Variants in KDM4C observed in about 807,000 individuals in gnomAD.
KDM4C encodes the protein lysine-specific demethylase 4C.
Under a neutral mutation model 129.3 loss-of-function variants are expected in KDM4C, and 81 were observed. The ratio of observed to expected loss-of-function variants is 0.63; its 90% CI spans 0.52 to 0.75. KDM4C has a LOEUF of 0.75. Among genes scored for constraint, KDM4C ranks in the 30% least tolerant of loss-of-function variants. The pLI is 0.00. For missense variants in KDM4C, 1,457 were observed against 1,304.0 expected, an observed-to-expected ratio of 1.12 and a Z score of -1.81; for synonymous variants, 573 against 456.1, an observed-to-expected ratio of 1.26 and a Z score of -3.26.
chr9:7,063,861 G>A (rs185813336), intron 17 of KDM4C, among the ~76,000 whole-genome samples: 2 of 152,262 alleles, frequency 1.3e-5, no homozygotes, highest in Admixed American at 1.3e-4. Context: ...AGAACTGTAA[G>A]GTCTAGGAAC....
chr9:7,098,199 T>C (rs1245858243), intron 17 of KDM4C, among the ~76,000 whole-genome samples: 1 of 152,252 alleles, frequency 6.6e-6, no homozygotes, highest in Non-Finnish European at 1.5e-5. Flanking sequence ...ATTAGCCTTA[T>C]TTTGAATACA....
At chr9:7,059,835 G>T (rs1564060967) in intron 17 of KDM4C, among the ~76,000 whole-genome samples, 1 of 152,170 alleles carries the variant, frequency 6.6e-6, no homozygotes, top group South Asian at 2.1e-4. Flanking sequence ...ATTTTACTAT[G>T]TAATGGGTTT....
chr9:7,023,664 C>T (rs1356508279), intron 15 of KDM4C, among the ~76,000 whole-genome samples: 4 of 151,878 alleles, frequency 2.6e-5, no homozygotes, highest in Admixed American at 6.6e-5. Flanking sequence ...TATTGTTTTT[C>T]GTCTAATTTT....
chr9:6,996,125 A>G (rs976441856), intron 12 of KDM4C, among the ~76,000 whole-genome samples: 3 of 152,154 alleles, frequency 2.0e-5, no homozygotes, highest in African/African-American at 2.4e-5. Flanking sequence ...TCCCTCACCC[A>G]CTTTGGTATC....
chr9:7,024,552 C>T (rs1283034949), intron 15 of KDM4C, among the ~76,000 whole-genome samples: 6 of 147,950 alleles, frequency 4.1e-5, no homozygotes, highest in Admixed American at 1.4e-4. Flanking sequence ...TCTCATTGTT[C>T]AATTCCCACC....
At position 6,984,227 on chromosome 9, in the gene KDM4C, G is replaced by T. The variant is rs111275433; in HGVS notation, c.1177G>T (p.Asp393Tyr). Residue 393 changes from aspartate to tyrosine, a missense_variant, in exon 10 of 22, where the codon GAT becomes TAT. By Grantham distance (160) the Asp-to-Tyr change is radical. Transcript: ENST00000381309. Reference protein sequence around the residue: ...PKADEEEEVSDEVDGAEVPNP... With the variant: ...PKADEEEEVSYEVDGAEVPNP... ...GGCTGATGAGGAAGAGGAAGTGTCA[G>T]ATGAAGTCGATGGGGCAGAGGTCCC... 910 of 1,613,932 alleles carry T rather than the reference G, an allele frequency of 5.6e-4. No individual in the cohort carries two copies. The highest frequency in any genetic ancestry group is 1.1e-3 in the Admixed American group (64 of 60,010).
In KDM4C at chr9:7,011,760, C is replaced by G. The variant is rs10975973; in HGVS notation, c.1849C>G (p.Leu617Val). ...AGAAACAGAGTCTTGGGCGAAACCT[C>G]TCATCCACCTTTGGCAGACGAAGTC... Reference protein sequence around the residue: ...VEETESWAKPLIHLWQTKSPN... With the variant: ...VEETESWAKPVIHLWQTKSPN... Residue 617 changes from leucine (L) to valine (V), a missense_variant, in exon 13 of 22, where the codon CTC becomes GTC. Transcript: ENST00000381309. 3.1e-6 allele frequency: 5 copies of G among 1,614,054 alleles called. No homozygotes were observed. Among genetic ancestry groups the G allele is most frequent in the African/African-American group, 2.7e-5 (2 of 74,924 alleles).
intron 1 of KDM4C, among the ~76,000 whole-genome samples, chr9:6,766,573 A>G (rs553440895): frequency 6.6e-6 from 1 of 152,210 alleles, no homozygotes; most frequent in African/African-American, 2.4e-5. Flanking sequence ...AGTGTCAGGC[A>G]TTGGAAGACT....
At chr9:6,806,609 A>G (rs1830022142) in intron 3 of KDM4C, among the ~76,000 whole-genome samples, 2 of 152,042 alleles carry the variant, frequency 1.3e-5, no homozygotes, top group South Asian at 4.1e-4. Context: ...ATTCTGCCTC[A>G]GGGTCTCATG....
chr9:7,007,103 G>A (rs1821813792), intron 12 of KDM4C, among the ~76,000 whole-genome samples: 2 of 152,180 alleles, frequency 1.3e-5, no homozygotes, highest in East Asian at 1.9e-4. Context: ...TTGTTTAGGC[G>A]CTAGCCCTCT....
chr9:7,002,985 C>T (rs573559502), intron 12 of KDM4C, among the ~76,000 whole-genome samples: 39 of 152,318 alleles, frequency 2.6e-4, no homozygotes, highest in African/African-American at 7.9e-4. Flanking sequence ...CTCAGCCTCC[C>T]GAGTAACTGG....
At chr9:6,850,560 C>T (rs2130140085) in intron 5 of KDM4C, among the ~76,000 whole-genome samples, 1 of 151,830 alleles carries the variant, frequency 6.6e-6, no homozygotes, top group East Asian at 1.9e-4. Context: ...ATTCTGCTGC[C>T]TTAGCCACCC....
intron 4 of KDM4C, among the ~76,000 whole-genome samples, chr9:6,824,638 C>CAA (rs144032826): frequency 0.022 from 2,845 of 127,038 alleles, 108 homozygotes; most frequent in African/African-American, 0.072. Context: ...GACTCCGTCT[C>CAA]AAAAAAAAAA....
At chr9:6,790,654 C>CAAAAAAAA (rs1186296239) in intron 1 of KDM4C, among the ~76,000 whole-genome samples, 2 of 65,216 alleles carry the variant, frequency 3.1e-5, no homozygotes, top group Non-Finnish European at 5.3e-5. Flanking sequence ...TTAAATTCAG[C>CAAAAAAAA]AAAAAAAAAA....
rs150848798 is a variant in KDM4C at position 6,964,423 on chromosome 9, C to T, written c.922-16502C>T. ...GTCGCTACAAAGGACATGAACTCATCCTTTTTTTATGGCTGCATAGTATTC... is the reference window on the plus strand; with the variant it reads ...GTCGCTACAAAGGACATGAACTCATTCTTTTTTTATGGCTGCATAGTATTC... On this transcript the variant is annotated intron_variant, in intron 8 of 21. Transcript: ENST00000381309. Among the ~76,000 whole-genome samples the T allele has an allele frequency of 3.1e-3, 462 of 151,166 alleles. 7 individuals are homozygous for T. In the East Asian group the frequency reaches 0.041, roughly 14 times the overall value.
intron 17 of KDM4C, among the ~76,000 whole-genome samples, chr9:7,094,527 C>T (rs564598502): frequency 1.3e-5 from 2 of 152,060 alleles, no homozygotes; most frequent in Non-Finnish European, 2.9e-5. Context: ...TGATTTTTCT[C>T]TTGTAGCAAC....
intron 4 of KDM4C, among the ~76,000 whole-genome samples, chr9:6,817,206 C>CA (rs1554701655): frequency 1.5e-5 from 2 of 129,806 alleles, no homozygotes; most frequent in Non-Finnish European, 3.4e-5. Context: ...CCCCCCCCCC[C>CA]ACTTTTTTTT....
At chr9:6,728,166 G>T (rs1043520357) in intron 1 of KDM4C, among the ~76,000 whole-genome samples, 1 of 151,384 alleles carries the variant, frequency 6.6e-6, no homozygotes, top group African/African-American at 2.4e-5. Context: ...AAGAAAAAGT[G>T]TTAGTGGGAT....
rs1472722448 is a variant in KDM4C, at chr9:7,175,579, A to G, written c.*850A>G. 6.6e-6 allele frequency: 1 copy of G among 152,626 alleles called. No homozygotes were observed. The highest frequency in any genetic ancestry group is 1.5e-5 in the Non-Finnish European group (1 of 68,052). 9.5% of individuals were successfully genotyped at this position (152,626 alleles called of 1,614,324 possible). On this transcript the variant is annotated 3_prime_UTR_variant, in exon 22 of 22. Transcript: ENST00000381309. ...ATGCATAGTTTTGAACTAATGTAAC[A>G]TGATTTTTCTTTTTTAAAACAGCCT...
Sources: gnomAD v4.1 joint callset for allele counts (sites outside exome capture counted in the v4.1 genomes callset) on GRCh38, gnomAD v4.1.1 for gene constraint, MANE v1.5 for transcripts, NCBI Gene and HGNC (gene_info 2026-07-23, HGNC 2026-07-21) for gene names.